The following BMP1 variants were observed in gnomAD, a reference collection of about 807,000 sequenced individuals.
The protein encoded by BMP1 is mammalian tolloid protein.
Under a neutral mutation model 116.8 loss-of-function variants are expected in BMP1, and 63 were observed. That is an observed-to-expected ratio of 0.54 (90% CI 0.44 to 0.67). The LOEUF (loss-of-function observed/expected upper bound fraction) is 0.67, where lower values mean the gene tolerates loss of function less well. Ranked by LOEUF, BMP1 falls within the 30% of genes least tolerant of loss-of-function variation. BMP1 has a pLI of 0.00. For missense variants in BMP1, 1,183 were observed against 1,358.9 expected (o/e 0.87, Z 2.04); for synonymous variants, 536 against 533.4 (o/e 1.00, Z -0.07).
chr8:22,176,146 C>G lies in BMP1; in HGVS notation c.266C>G (p.Pro89Arg), dbSNP rs1283891659. The change falls in exon 3 of 20, where the codon CCA becomes CGA. Residue 89 changes from proline (P) to arginine (R), a missense_variant. Pro to Arg is a moderately radical substitution (Grantham distance 103). Around this residue, in one of 4 missense-constraint regions of BMP1, gnomAD observed 185 missense variants for 158.9 expected, o/e 1.16. Transcript: ENST00000306385. ...TCACCATGACTTCCTCTCTCAGTTC[C>G]AGGAAACACTTCTACCCCCAGCTGC... ...ARKSSIKAAVPGNTSTPSCQS... is the reference protein window; with the variant it reads ...ARKSSIKAAVRGNTSTPSCQS... 2.5e-6 allele frequency: 4 copies of G among 1,614,082 alleles called. No homozygotes were observed. Among genetic ancestry groups the G allele is most frequent in the Non-Finnish European group, 3.4e-6 (4 of 1,180,000 alleles).
In BMP1 at chr8:22,196,762, C is replaced by T; in HGVS notation, c.1848C>T (p.Asn616=). ...CCAAGGAGTACCCCCCCAACAAGAA[C>T]TGCATCTGGCAGCTGGTGGCCCCCA... The part of the protein sequence containing the change: ...GWPKEYPPNK[N]CIWQLVAPTQ... Residue 616 remains asparagine, a synonymous_variant, in exon 14 of 20, where the codon AAC becomes AAT. Coordinates refer to ENST00000306385, the MANE Select transcript of BMP1 (RefSeq NM_006129.5). 1.2e-6 allele frequency: 2 copies of T among 1,614,142 alleles called. No individual in the cohort carries two copies. Among genetic ancestry groups the T allele is most frequent in the South Asian group, 1.1e-5 (1 of 91,082 alleles).
At chr8:22,199,366 C>T (rs145426559) in intron 15 of BMP1, 169 of 1,307,450 alleles carry the variant, frequency 1.3e-4, no homozygotes, top group African/African-American at 5.9e-4. Context: ...TGCCACCTTC[C>T]GGGGCATTTG....
Position 22,197,238 on chromosome 8 carries a change from AG to A in BMP1, c.1927del. 6.2e-7 allele frequency: 1 copy of A among 1,606,616 alleles called. No individual in the cohort carries two copies. The highest frequency in any genetic ancestry group is 8.5e-7 in the Non-Finnish European group (1 of 1,173,752). ...CGGGCCTGGAGCTGGGCTTCCCTGCAGGTGTGCAAGTACGACTTCGTGGAGG... is the reference window on the plus strand; with the variant it reads ...CGGGCCTGGAGCTGGGCTTCCCTGCAGTGTGCAAGTACGACTTCGTGGAGG... On this transcript the variant is annotated splice_acceptor_variant, in intron 14 of 19. Coordinates refer to ENST00000306385, the MANE Select transcript of BMP1 (RefSeq NM_006129.5). LOFTEE classifies it high-confidence loss of function.
chr8:22,167,515 G>C (rs921436797), intron 1 of BMP1, among the ~76,000 whole-genome samples: 3 of 152,184 alleles, frequency 2.0e-5, no homozygotes, highest in African/African-American at 4.8e-5. Flanking sequence ...AGAATGGGTG[G>C]GAAGCCATTC....
chr8:22,201,772 C>A (rs925276817), intron 15 of BMP1, 31 bp from the exon 16 acceptor site: 8 of 1,610,752 alleles, frequency 5.0e-6, no homozygotes, highest in East Asian at 4.5e-5. Flanking sequence ...CTGCACAGAC[C>A]CAGCGTCTGC....
intron 15 of BMP1, chr8:22,201,254 C>A (rs763830507): frequency 6.3e-7 from 1 of 1,583,666 alleles, no homozygotes; most frequent in Admixed American, 1.9e-5. Context: ...TCACCTTGGA[C>A]GGAATGGGAT....
chr8:22,174,504 C>T (rs144564039), intron 2 of BMP1, among the ~76,000 whole-genome samples: 1 of 152,094 alleles, frequency 6.6e-6, no homozygotes, highest in East Asian at 1.9e-4. Flanking sequence ...CCTTACTGCT[C>T]TGTAGAAGGG....
At chr8:22,170,633 A>C (rs961717913) in intron 1 of BMP1, 1 of 152,172 alleles carries the variant, frequency 6.6e-6, no homozygotes, top group African/African-American at 2.4e-5. Flanking sequence ...TGGGTGTGGG[A>C]GCCTGCAGGT....
At chr8:22,192,892 T>C (rs1039852354) in intron 9 of BMP1, among the ~76,000 whole-genome samples, 1 of 152,154 alleles carries the variant, frequency 6.6e-6, no homozygotes, top group African/African-American at 2.4e-5. Flanking sequence ...CAGAACCTCT[T>C]CTCCTCAGCC....
intron 18 of BMP1, among the ~76,000 whole-genome samples, chr8:22,209,057 C>T (rs1027495961): frequency 2.0e-5 from 3 of 152,220 alleles, no homozygotes; most frequent in African/African-American, 7.2e-5. Flanking sequence ...TAGGAGTTTT[C>T]ACATAAAACC....
chr8:22,206,696 C>A (rs1469387168), intron 16 of BMP1, among the ~76,000 whole-genome samples, 158 bp from the exon 17 acceptor site: 1 of 152,002 alleles, frequency 6.6e-6, no homozygotes. Context: ...GACGCAGTAA[C>A]CTCATGAAAA....
At chr8:22,197,732 G>A (rs1458740984) in intron 15 of BMP1, among the ~76,000 whole-genome samples, 1 of 152,246 alleles carries the variant, frequency 6.6e-6, no homozygotes, top group Non-Finnish European at 1.5e-5. Flanking sequence ...GCCAAGGCCT[G>A]GGAGAGGGCA....
intron 9 of BMP1, 76 bp from the exon 10 acceptor site, chr8:22,193,982 G>T (rs1429530075): frequency 4.1e-6 from 5 of 1,211,406 alleles, no homozygotes; most frequent in Admixed American, 1.8e-5. Context: ...AAGCACCCAA[G>T]CCTCCTGGAG....
intron 15 of BMP1, chr8:22,199,491 G>C (rs977391269): frequency 2.8e-6 from 3 of 1,084,186 alleles, no homozygotes; most frequent in Admixed American, 9.8e-5. Flanking sequence ...CTCCTGCCCC[G>C]GACACTGAAG....
At chr8:22,209,264 C>T (rs1563282740) in intron 18 of BMP1, among the ~76,000 whole-genome samples, 181 bp from the exon 19 acceptor site, 1 of 152,212 alleles carries the variant, frequency 6.6e-6, no homozygotes, top group African/African-American at 2.4e-5. Flanking sequence ...GCCAAGGTCC[C>T]TCTATTTAGA....
intron 8 of BMP1, among the ~76,000 whole-genome samples, chr8:22,185,464 AAAAAAT>A (rs1375119364): frequency 6.6e-6 from 1 of 152,012 alleles, no homozygotes; most frequent in East Asian, 1.9e-4. Context: ...TCAAAAAAGG[AAAAAAT>A]AAAAATAAAA....
chr8:22,176,661 AGCCCTAGGC>A lies in BMP1; in HGVS notation c.551+14_551+22del. ...CTATCGACCTTGCGGGTGAGCAGGA[AGCCCTAGGC>A]GCTGTACCTTCCGCCATTGCCCCAA... is the stretch of plus-strand genomic sequence containing the variant. On this transcript the variant is annotated intron_variant, in intron 4 of 19. Transcript: ENST00000306385. 1 of 1,613,606 alleles carries A rather than the reference AGCCCTAGGC, an allele frequency of 6.2e-7. No individual in the cohort carries two copies. Among genetic ancestry groups the A allele is most frequent in the Non-Finnish European group, 8.5e-7 (1 of 1,179,540 alleles).
chr8:22,190,678 C>T (rs1292612045), intron 8 of BMP1, among the ~76,000 whole-genome samples: 2 of 152,200 alleles, frequency 1.3e-5, no homozygotes, highest in Non-Finnish European at 2.9e-5. Context: ...TGATAGGGCC[C>T]GTGTCAGAGT....
intron 15 of BMP1, chr8:22,201,559 G>A (rs768312847): frequency 9.9e-4 from 1,403 of 1,411,100 alleles, no homozygotes; most frequent in Non-Finnish European, 1.3e-3. Flanking sequence ...ATGCTGGTCC[G>A]CTCGGACCCC....
Sources: allele counts gnomAD v4.1 joint callset (sites outside exome capture counted in the v4.1 genomes callset), GRCh38; gene constraint gnomAD v4.1.1; regional missense constraint gnomAD v4.1.1; transcripts MANE v1.5; gene names NCBI Gene and HGNC (gene_info 2026-07-23, HGNC 2026-07-21).